The following LHCGR variants were observed in gnomAD, a reference collection of about 807,000 sequenced individuals.
The protein encoded by LHCGR is luteinizing hormone/choriogonadotropin receptor, also known as lutropin-choriogonadotropic hormone receptor.
In LHCGR, 55 loss-of-function variants were observed where a neutral mutation model predicts 60.7. The ratio of observed to expected loss-of-function variants is 0.91; its 90% CI spans 0.73 to 1.13. The LOEUF (loss-of-function observed/expected upper bound fraction) is 1.13. Among genes scored for constraint, LHCGR ranks in the 50% most tolerant of loss-of-function variants. LHCGR has a pLI of 0.00. For synonymous variants in LHCGR, 337 were observed against 316.5 expected (o/e 1.06, Z -0.69); for missense variants, 862 against 836.0 (o/e 1.03, Z -0.38).
Position 48,689,106 on chromosome 2 carries a change from CACATATAT to C in LHCGR, c.948-265_948-258del, listed in dbSNP as rs995431791. Reference sequence around the variant, plus strand: ...ATACACACATATATATACATATATACACATATATACATATATACACATATATACATATG... The same window carrying C: ...ATACACACATATATATACATATATACACATATATACACATATATACATATG... On this transcript the variant is annotated intron_variant, in intron 10 of 10. Coordinates refer to ENST00000294954, the MANE Select transcript of LHCGR (RefSeq NM_000233.4). 2.9e-4 allele frequency among the ~76,000 whole-genome samples: 44 copies of C among 150,986 alleles called. No homozygotes were observed. The South Asian group carries it at 7.1e-3, about 24-fold the overall frequency.
At chr2:48,740,128 T>C (rs1028280405) in intron 1 of LHCGR, among the ~76,000 whole-genome samples, 2 of 152,212 alleles carry the variant, frequency 1.3e-5, no homozygotes, top group African/African-American at 4.8e-5. Context: ...ACTGCTCTTT[T>C]CCAATGGGCT....
chr2:48,688,091 T>C lies in LHCGR; in HGVS notation c.1706A>G (p.Lys569Arg). Reference sequence around the variant, plus strand: ...GGTGAAGATGAGGATTGCCATTTTCTTAGCAATCTTTGTATCTTTATTGGT... The same window carrying C: ...GGTGAAGATGAGGATTGCCATTTTCCTAGCAATCTTTGTATCTTTATTGGT... Reference protein sequence around the residue: ...MATNKDTKIAKKMAILIFTDF... With the variant: ...MATNKDTKIARKMAILIFTDF... Residue 569 changes from lysine (K) to arginine (R), a missense_variant, in exon 11 of 11, where the codon AAG becomes AGG. By Grantham distance (26) the Lys-to-Arg change is conservative (BLOSUM62 2). Transcript: ENST00000294954. This position sits in a 1 kb window ranked among gnomAD's most constrained non-coding sequence, Gnocchi z 5.2. The C allele has an allele frequency of 6.2e-7, 1 of 1,614,200 alleles. No homozygotes were observed. The highest frequency in any genetic ancestry group is 1.1e-5 in the South Asian group (1 of 91,078).
At chr2:48,726,122 C>G (rs1668713562) in intron 3 of LHCGR, among the ~76,000 whole-genome samples, 1 of 152,124 alleles carries the variant, frequency 6.6e-6, no homozygotes, top group Non-Finnish European at 1.5e-5. Flanking sequence ...AGAGACTCCT[C>G]TCAGGAGAGA....
intron 4 of LHCGR, among the ~76,000 whole-genome samples, chr2:48,725,196 G>GGCATAT (rs1668663253): frequency 6.6e-6 from 1 of 152,112 alleles, no homozygotes; most frequent in Admixed American, 6.5e-5. Flanking sequence ...TAGTTTATAT[G>GGCATAT]GCACAGTGTC....
rs1413288871 is a variant in LHCGR at position 48,746,046 on chromosome 2, T to G, written c.161+9465A>C. ...AATTTCATTTCACATCTATAAAGTG[T>G]GTATAATCTAAAAAATCTATGTTTA... On this transcript the variant is annotated intron_variant, in intron 1 of 10. Transcript: ENST00000294954. Among the ~76,000 whole-genome samples the G allele has an allele frequency of 2.9e-4, 44 of 152,148 alleles. 1 individual carries two copies. The highest frequency in any genetic ancestry group is 2.9e-3 in the Admixed American group (44 of 15,280).
intron 3 of LHCGR, among the ~76,000 whole-genome samples, chr2:48,727,502 T>A (rs1422179843): frequency 6.6e-6 from 1 of 152,234 alleles, no homozygotes; most frequent in Non-Finnish European, 1.5e-5. Context: ...TTTCTGTTGA[T>A]GAATGTTGCT....
intron 6 of LHCGR, among the ~76,000 whole-genome samples, chr2:48,716,911 C>G (rs1034861650): frequency 3.9e-5 from 6 of 152,192 alleles, no homozygotes; most frequent in Admixed American, 3.9e-4. Flanking sequence ...AGACTCAGAC[C>G]TATTAAATCA....
At chr2:48,738,593 T>C (rs1238588169) in intron 1 of LHCGR, among the ~76,000 whole-genome samples, 1 of 152,170 alleles carries the variant, frequency 6.6e-6, no homozygotes, top group Non-Finnish European at 1.5e-5. Context: ...TATTCACCAG[T>C]TGTATCACCC....
chr2:48,745,444 G>C lies in LHCGR; in HGVS notation c.161+10067C>G, dbSNP rs1669656589. Reference sequence around the variant, plus strand: ...CACAATAGCAAAGACTTGGAACCAAGCCAAATGTCCAACAATGATAGACTG... The same window carrying C: ...CACAATAGCAAAGACTTGGAACCAACCCAAATGTCCAACAATGATAGACTG... On this transcript the variant is annotated intron_variant, in intron 1 of 10. Coordinates refer to ENST00000294954, the MANE Select transcript of LHCGR (RefSeq NM_000233.4). Among the ~76,000 whole-genome samples the C allele has an allele frequency of 5.9e-5, 9 of 152,024 alleles. No individual in the cohort carries two copies. In the South Asian group the frequency reaches 1.5e-3, roughly 25 times the overall value.
intron 10 of LHCGR, among the ~76,000 whole-genome samples, chr2:48,693,240 T>C (rs139264386): frequency 5.3e-5 from 8 of 152,338 alleles, no homozygotes; most frequent in African/African-American, 1.9e-4. Context: ...ACAGTAATAC[T>C]TATTTACCCT....
At position 48,723,526 on chromosome 2, in the gene LHCGR, A is replaced by G; in HGVS notation, c.466T>C (p.Cys156Arg). Residue 156 changes from cysteine to arginine, a missense_variant, in exon 6 of 11, where the codon TGT (cysteine) becomes CGT (arginine). Physicochemically the swap from Cys to Arg is radical, Grantham distance 180 (BLOSUM62 -3). Transcript: ENST00000294954. ...SSESNFILEI[C>R]DNLHITTIPG... is the part of the protein sequence containing the mutation. Reference sequence around the variant, plus strand: ...ATGGTGGTTATGTGTAAGTTATCACAAATTTCCCTTGAGGAAAGAAATGAG... The same window carrying G: ...ATGGTGGTTATGTGTAAGTTATCACGAATTTCCCTTGAGGAAAGAAATGAG... 1.2e-6 allele frequency: 2 copies of G among 1,612,924 alleles called. No individual in the cohort carries two copies. Among genetic ancestry groups the G allele is most frequent in the Non-Finnish European group, 1.7e-6 (2 of 1,178,922 alleles).
intron 8 of LHCGR, among the ~76,000 whole-genome samples, chr2:48,707,751 TAGAC>T (rs1357029106): frequency 6.6e-6 from 1 of 152,234 alleles, no homozygotes; most frequent in Non-Finnish European, 1.5e-5. Flanking sequence ...AGGTCTATCT[TAGAC>T]TGCTCTACTA....
intron 6 of LHCGR, among the ~76,000 whole-genome samples, chr2:48,714,605 A>T (rs531375352): frequency 1.3e-5 from 2 of 152,200 alleles, no homozygotes; most frequent in East Asian, 3.9e-4. Context: ...TAGTGAATCA[A>T]TTTACTTGGG....
chr2:48,737,717 T>C (rs1189457984), intron 1 of LHCGR, among the ~76,000 whole-genome samples: 1 of 152,220 alleles, frequency 6.6e-6, no homozygotes, highest in Non-Finnish European at 1.5e-5. Context: ...GAACATCCAA[T>C]ATGTTACGCT....
chr2:48,721,782 G>GT (rs1320753170), intron 6 of LHCGR: 1 of 471,146 alleles, frequency 2.1e-6, no homozygotes, highest in Admixed American at 2.3e-5. Flanking sequence ...GCCATGGGCT[G>GT]TAACCAAAGC....
intron 10 of LHCGR, among the ~76,000 whole-genome samples, chr2:48,689,224 G>A (rs1287116677): frequency 1.3e-5 from 2 of 151,104 alleles, no homozygotes; most frequent in Non-Finnish European, 2.9e-5. Context: ...ATATAACATT[G>A]ATACAAAAAC....
rs1558811176 is a variant in LHCGR at position 48,694,224 on chromosome 2, A to C, written c.947T>G (p.Leu316Arg). 2.6e-6 allele frequency: 4 copies of C among 1,524,822 alleles called. No homozygotes were observed. The highest frequency in any genetic ancestry group is 1.1e-5 in the South Asian group (1 of 87,454). 94.5% of individuals were successfully genotyped at this position (1,524,822 alleles called of 1,614,324 possible). The change falls in exon 10 of 11, where the codon CTT (leucine) becomes CGT (arginine). Residue 316 changes from leucine (L) to arginine (R), a missense_variant and splice_region_variant. Coordinates refer to ENST00000294954, the MANE Select transcript of LHCGR (RefSeq NM_000233.4). ...AGTTTCCTTGCATGCAAATACTTACAGTGTTTTGTTATTCACTTTCCTTAC... is the reference window on the plus strand; with the variant it reads ...AGTTTCCTTGCATGCAAATACTTACCGTGTTTTGTTATTCACTTTCCTTAC... ...STVRKVNNKT[L>R]YSSMLAESEL...
chr2:48,719,752 G>C (rs1668420784), intron 6 of LHCGR, among the ~76,000 whole-genome samples: 1 of 152,180 alleles, frequency 6.6e-6, no homozygotes, highest in Non-Finnish European at 1.5e-5. Flanking sequence ...ATTTGGGTAG[G>C]GGGAGGGCAA....
Position 48,725,633 on chromosome 2 carries a change from C to T in LHCGR, c.383+43G>A, listed in dbSNP as rs542813958. 1.7e-4 allele frequency: 224 copies of T among 1,314,538 alleles called. 2 individuals are homozygous for T. The South Asian group carries it at 2.5e-3, about 15-fold the overall frequency. The allele number at this position is 1,314,538 out of a possible 1,614,324, so 81.4% of individuals were successfully genotyped here. A position where few individuals can be genotyped will look rare whatever the true frequency, so the allele number is the denominator to read the frequency against. ...CCTTGTTTTGATTTTCATCAGATGCCCATCTTCCCCTCCCCAATTGCTTAA... is the reference window on the plus strand; with the variant it reads ...CCTTGTTTTGATTTTCATCAGATGCTCATCTTCCCCTCCCCAATTGCTTAA... On this transcript the variant is annotated intron_variant, in intron 4 of 10. Transcript: ENST00000294954.
Sources: gnomAD v4.1 joint callset for allele counts (sites outside exome capture counted in the v4.1 genomes callset) on GRCh38, gnomAD v4.1.1 for gene constraint, Gnocchi (gnomAD v3.1) non-coding constraint, MANE v1.5 for transcripts, NCBI Gene and HGNC (gene_info 2026-07-23, HGNC 2026-07-21) for gene names.